RAP1A: variants seen among roughly 807,000 people sequenced by gnomAD.
RAP1A encodes ras-related protein Rap-1A.
RAP1A carries 6 observed loss-of-function variants against 26.4 expected under a neutral mutation model. That is an observed-to-expected ratio of 0.23 (90% confidence interval 0.12 to 0.45). RAP1A has a LOEUF of 0.45. RAP1A is among the 20% of genes least tolerant of loss of function. The pLI is 0.99. For synonymous variants in RAP1A, 73 were observed against 79.4 expected, an observed-to-expected ratio of 0.92 and a Z score of 0.43; for missense variants, 121 against 217.2, an observed-to-expected ratio of 0.56 and a Z score of 2.78.
At chr1:111,692,463 C>T (rs1250648116) in intron 2 of RAP1A, among the ~76,000 whole-genome samples, 3 of 152,158 alleles carry the variant, frequency 2.0e-5, no homozygotes, top group Non-Finnish European at 2.9e-5. Context: ...GAATATCTGT[C>T]ATTTTTAATG....
At chr1:111,579,006 G>A (rs1374798381) in intron 1 of RAP1A, among the ~76,000 whole-genome samples, 2 of 152,192 alleles carry the variant, frequency 1.3e-5, no homozygotes, top group South Asian at 2.1e-4. Flanking sequence ...ACAGCCAGAC[G>A]AAGAGAAGCA....
chr1:111,554,466 G>C (rs1657400293), intron 1 of RAP1A, among the ~76,000 whole-genome samples: 1 of 152,200 alleles, frequency 6.6e-6, no homozygotes, highest in Non-Finnish European at 1.5e-5. Flanking sequence ...AACATTTGCT[G>C]GTCCACAGTA....
At chr1:111,640,174 T>C (rs1659850103) in intron 1 of RAP1A, among the ~76,000 whole-genome samples, 1 of 152,238 alleles carries the variant, frequency 6.6e-6, no homozygotes, top group African/African-American at 2.4e-5. Context: ...TCTTTGTTTT[T>C]TGAAGACTGA....
intron 6 of RAP1A, among the ~76,000 whole-genome samples, chr1:111,706,930 T>A (rs998336806): frequency 2.0e-5 from 3 of 152,210 alleles, no homozygotes; most frequent in African/African-American, 7.2e-5. Context: ...TTAGTTTACT[T>A]TTATTATTTT....
intron 1 of RAP1A, among the ~76,000 whole-genome samples, chr1:111,596,306 C>CT (rs1476380396): frequency 6.6e-6 from 1 of 152,102 alleles, no homozygotes; most frequent in African/African-American, 2.4e-5. Flanking sequence ...CTGAAAGGCC[C>CT]TACAGAGGCT....
At chr1:111,671,716 C>T (rs2101183995) in intron 1 of RAP1A, among the ~76,000 whole-genome samples, 1 of 152,316 alleles carries the variant, frequency 6.6e-6, no homozygotes, top group South Asian at 2.1e-4. Context: ...TGAAGCGATC[C>T]ACCCGCCTTG....
At chr1:111,599,031 G>A (rs1424957697) in intron 1 of RAP1A, among the ~76,000 whole-genome samples, 1 of 152,102 alleles carries the variant, frequency 6.6e-6, no homozygotes, top group Non-Finnish European at 1.5e-5. Flanking sequence ...AGATGATGAG[G>A]TGTATAGGGT....
At chr1:111,580,576 T>C (rs1038434831) in intron 1 of RAP1A, among the ~76,000 whole-genome samples, 2 of 152,038 alleles carry the variant, frequency 1.3e-5, no homozygotes, top group Non-Finnish European at 2.9e-5. Context: ...TTGCCGGGCG[T>C]GGTGGCTCAA....
At chr1:111,659,631 A>G (rs1307516018) in intron 1 of RAP1A, among the ~76,000 whole-genome samples, 2 of 151,544 alleles carry the variant, frequency 1.3e-5, no homozygotes, top group African/African-American at 4.9e-5. Flanking sequence ...TTGGTGTTGG[A>G]TTAATATATA....
intron 1 of RAP1A, among the ~76,000 whole-genome samples, chr1:111,610,692 A>G (rs1658912225): frequency 6.6e-6 from 1 of 152,236 alleles, no homozygotes; most frequent in African/African-American, 2.4e-5. Flanking sequence ...ACGTGGACAG[A>G]GTAAGGAGTT....
chr1:111,628,939 T>C (rs1409130748), intron 1 of RAP1A, among the ~76,000 whole-genome samples: 1 of 152,204 alleles, frequency 6.6e-6, no homozygotes, highest in Non-Finnish European at 1.5e-5. Flanking sequence ...AATATATATG[T>C]ACAATCTCCT....
chr1:111,546,101 G>A (rs893308246), intron 1 of RAP1A, among the ~76,000 whole-genome samples: 1 of 152,022 alleles, frequency 6.6e-6, no homozygotes, highest in Admixed American at 6.5e-5. Flanking sequence ...GTTATTCAAG[G>A]TCTCTTGCAT....
chr1:111,687,014 A>T (rs1054827176), intron 1 of RAP1A, among the ~76,000 whole-genome samples: 4 of 152,088 alleles, frequency 2.6e-5, no homozygotes, highest in Admixed American at 6.5e-5. Context: ...TTCTTGAAGC[A>T]ACATATAGTT....
chr1:111,710,096 C>A (rs1662329982), intron 7 of RAP1A, among the ~76,000 whole-genome samples: 1 of 152,172 alleles, frequency 6.6e-6, no homozygotes, highest in South Asian at 2.1e-4. Context: ...AGTTTACACA[C>A]CCTGCAACGG....
At chr1:111,641,052 A>G (rs1242078221) in intron 1 of RAP1A, among the ~76,000 whole-genome samples, 1 of 152,258 alleles carries the variant, frequency 6.6e-6, no homozygotes, top group Non-Finnish European at 1.5e-5. Context: ...TCAAGAAAAG[A>G]ATGCAAATGA....
chr1:111,685,675 A>G (rs1009725797), intron 1 of RAP1A, among the ~76,000 whole-genome samples: 8 of 152,186 alleles, frequency 5.3e-5, no homozygotes, highest in Non-Finnish European at 1.0e-4. Context: ...CACTGTTGGT[A>G]GGAGTGTAAA....
chr1:111,554,348 A>T (rs997516863), intron 1 of RAP1A, among the ~76,000 whole-genome samples: 5 of 152,252 alleles, frequency 3.3e-5, no homozygotes, highest in Admixed American at 1.3e-4. Flanking sequence ...ATAAAAAATT[A>T]AAAACATCTT....
rs940147020 is a variant in RAP1A at position 111,714,139 on chromosome 1, T to C, written c.*1738T>C. 2 of 152,252 alleles carry C rather than the reference T, an allele frequency of 1.3e-5. No homozygotes were observed. The highest frequency in any genetic ancestry group is 2.9e-5 in the Non-Finnish European group (2 of 68,046). The allele number at this position is 152,252 out of a possible 1,614,324, so 9.4% of individuals were successfully genotyped here. A position where few individuals can be genotyped will look rare whatever the true frequency, so the allele number is the denominator to read the frequency against. On this transcript the variant is annotated 3_prime_UTR_variant, in exon 8 of 8. Coordinates refer to ENST00000369709, the MANE Select transcript of RAP1A (RefSeq NM_002884.4). ...ATTGTTTTTAAAAAAATGGAAATTT[T>C]TTTTGTTTGTGTTTTTGTTTTAGTT...
intron 1 of RAP1A, among the ~76,000 whole-genome samples, chr1:111,609,721 C>T (rs546052466): frequency 8.5e-5 from 13 of 152,112 alleles, no homozygotes; most frequent in African/African-American, 2.2e-4. Context: ...CTGCAACCTC[C>T]GCCTCCTGAG....
Sources: gnomAD v4.1 joint callset for allele counts (sites outside exome capture counted in the v4.1 genomes callset) on GRCh38, gnomAD v4.1.1 for gene constraint, MANE v1.5 for transcripts, NCBI Gene and HGNC (gene_info 2026-07-23, HGNC 2026-07-21) for gene names.